The following FBN3 variants were observed in gnomAD, a reference collection of about 807,000 sequenced individuals.
FBN3 encodes fibrillin 3, also known as fibrillin-3.
A neutral mutation model predicts 330.1 loss-of-function variants in FBN3; 234 were observed. The ratio of observed to expected loss-of-function variants is 0.71; its 90% confidence interval spans 0.64 to 0.79. The LOEUF is 0.79. Ranked by LOEUF, FBN3 falls within the 30% of genes least tolerant of loss-of-function variation. FBN3 has a pLI of 0.00. For synonymous variants in FBN3, 1,458 were observed against 1,517.3 expected (o/e 0.96, Z 0.91); for missense variants, 3,606 against 3,886.9 (o/e 0.93, Z 1.92).
In FBN3 at chr19:8,111,779, G is replaced by A. The variant is rs896684398; in HGVS notation, c.3962-9C>T. ...GACGCATTCATCCAGGTCTGCAGGAGATGGAGCCCAGACCCCCCACCCCAT... is the reference window on the plus strand; with the variant it reads ...GACGCATTCATCCAGGTCTGCAGGAAATGGAGCCCAGACCCCCCACCCCAT... On this transcript the variant is annotated splice_polypyrimidine_tract_variant and intron_variant, in intron 31 of 63. Transcript: ENST00000600128. 2 of 1,611,650 alleles carry A rather than the reference G, an allele frequency of 1.2e-6. No homozygotes were observed. The highest frequency in any genetic ancestry group is 1.7e-4 in the Middle Eastern group (1 of 5,952).
At chr19:8,073,824 T>G (rs540883648) in intron 61 of FBN3, among the ~76,000 whole-genome samples, 23 of 152,182 alleles carry the variant, frequency 1.5e-4, no homozygotes, top group African/African-American at 5.5e-4. Context: ...GGACTACAGG[T>G]GTGCACCAAC....
intron 8 of FBN3, among the ~76,000 whole-genome samples, chr19:8,139,601 CTG>C (rs1003270521): frequency 2.6e-5 from 4 of 151,722 alleles, no homozygotes; most frequent in East Asian, 2.0e-4. Flanking sequence ...GCCTACGAGA[CTG>C]TGAATTTCAG....
intron 48 of FBN3, 31 bp downstream of exon 48, chr19:8,091,434 A>G (rs2082092140): frequency 1.3e-6 from 2 of 1,597,280 alleles, no homozygotes; most frequent in South Asian, 1.1e-5. Context: ...CCCACTTCCC[A>G]CCCTCTTCCC....
intron 57 of FBN3, among the ~76,000 whole-genome samples, chr19:8,081,708 T>C (rs188925834): frequency 1.6e-4 from 25 of 152,290 alleles, no homozygotes; most frequent in Non-Finnish European, 2.8e-4. Context: ...AAAGCAGCCA[T>C]TGAGGGTAAG....
rs751291777 is a variant in FBN3, at chr19:8,109,665, A to C, written c.4422T>G (p.Asp1474Glu). 2 of 1,583,768 alleles carry C rather than the reference A, an allele frequency of 1.3e-6. No individual in the cohort carries two copies. The highest frequency in any genetic ancestry group is 1.7e-6 in the Non-Finnish European group (2 of 1,166,052). The change falls in exon 35 of 64, where the codon GAT (aspartate) becomes GAG (glutamate). Residue 1474 changes from aspartate to glutamate, a missense_variant. Physicochemically the swap from Asp to Glu is conservative, Grantham distance 45. Coordinates refer to ENST00000600128, the MANE Select transcript of FBN3 (RefSeq NM_032447.5). The surrounding 1 kb of genome is among the most constrained non-coding windows in gnomAD (Gnocchi z 5.2). ...CCACTCCGCTGGGGTTCAGCTCAAA[A>C]TCCTGGGGGCAGCTGCAGAGGTAGC... The part of the protein sequence containing the change: ...PGSYLCSCPQ[D>E]FELNPSGVGC...
At chr19:8,133,783 T>C (rs922419578) in intron 13 of FBN3, among the ~76,000 whole-genome samples, 5 of 151,900 alleles carry the variant, frequency 3.3e-5, no homozygotes, top group African/African-American at 1.2e-4. Context: ...TAAATTTAGG[T>C]TGTGTGAATC....
intron 13 of FBN3, among the ~76,000 whole-genome samples, chr19:8,134,924 A>C (rs2083243061): frequency 6.6e-6 from 1 of 150,748 alleles, no homozygotes; most frequent in South Asian, 2.1e-4. Flanking sequence ...ATAGAGACTC[A>C]AAATGAATAA....
intron 10 of FBN3, among the ~76,000 whole-genome samples, chr19:8,136,817 G>A (rs953251138): frequency 2.8e-5 from 4 of 143,406 alleles, no homozygotes; most frequent in Admixed American, 6.9e-5. Flanking sequence ...CCAACCTGGG[G>A]TCTAGATACC....
Position 8,081,136 on chromosome 19 carries a change from C to T in FBN3, c.7337-17G>A. ...CGTCCAGGTCTGCAGCACGGATGGT[C>T]CAGCAGGCTCAGGGCAGGGCCCAGT... On this transcript the variant is annotated splice_polypyrimidine_tract_variant and intron_variant, in intron 58 of 63. Transcript: ENST00000600128. 6.2e-7 allele frequency: 1 copy of T among 1,605,274 alleles called. No individual in the cohort carries two copies. Among genetic ancestry groups the T allele is most frequent in the Non-Finnish European group, 8.5e-7 (1 of 1,172,600 alleles).
chr19:8,081,206 CAG>C, intron 58 of FBN3, 87 bp from the exon 59 acceptor site: 1 of 1,493,632 alleles, frequency 6.7e-7, no homozygotes, highest in Non-Finnish European at 9.3e-7. Flanking sequence ...CACCTCCAGG[CAG>C]AGGGGTGACA....
chr19:8,073,093 C>G lies in FBN3; in HGVS notation c.7907G>C (p.Cys2636Ser), dbSNP rs1435727130. ...ANTPGGFLCG[C>S]PQGYFRAGQG... ...CCCAGCCCGGAAGTAGCCTTGAGGA[C>G]AGCCGCACAGGAAGCCACCAGGCGT... The change falls in exon 62 of 64, where the codon TGT becomes TCT. Residue 2636 changes from cysteine (C) to serine (S), a missense_variant. Transcript: ENST00000600128. 5 of 1,612,692 alleles carry G rather than the reference C, an allele frequency of 3.1e-6. No homozygotes were observed. Among genetic ancestry groups the G allele is most frequent in the Non-Finnish European group, 4.2e-6 (5 of 1,179,350 alleles).
chr19:8,115,578 C>T lies in FBN3; in HGVS notation c.3775G>A (p.Gly1259Ser). The T allele has an allele frequency of 6.2e-7, 1 of 1,613,936 alleles. No individual in the cohort carries two copies. The highest frequency in any genetic ancestry group is 2.2e-5 in the East Asian group (1 of 44,882). Residue 1259 changes from glycine (G) to serine (S), a missense_variant, in exon 30 of 64, where the codon GGT (glycine) becomes AGT (serine). Gly to Ser is a moderately conservative substitution (Grantham distance 56). Transcript: ENST00000600128. ...AGCTGACAGTGGCAGACAAAGGAAC[C>T]CTTCGTGTTCTCGCAGTCCCCATGG... is the stretch of plus-strand genomic sequence containing the variant. ...CLHGDCENTK[G>S]SFVCHCQLGY... is the part of the protein sequence containing the mutation.
chr19:8,142,180 C>T (rs368014240), intron 6 of FBN3, 43 bp from the exon 7 acceptor site: 462 of 1,518,332 alleles, frequency 3.0e-4, no homozygotes, highest in Non-Finnish European at 4.0e-4. Context: ...AGGGCTGCCC[C>T]TGTCTGGAGA....
intron 13 of FBN3, among the ~76,000 whole-genome samples, chr19:8,133,793 C>T (rs2083211688): frequency 2.6e-5 from 4 of 152,062 alleles, no homozygotes; most frequent in Admixed American, 2.0e-4. Context: ...TTGTGTGAAT[C>T]TTACTTCAAT....
chr19:8,143,486 T>C (rs990942304), intron 6 of FBN3, among the ~76,000 whole-genome samples: 1 of 127,694 alleles, frequency 7.8e-6, no homozygotes, highest in African/African-American at 3.2e-5. Context: ...TCTCCTTTTT[T>C]CTTTTCTTTT....
rs201473836 is a variant in FBN3, at chr19:8,123,457, C to T, written c.3082+7G>A. 298 of 1,613,186 alleles carry T rather than the reference C, an allele frequency of 1.8e-4. No individual in the cohort carries two copies. The African/African-American group carries it at 3.6e-3, about 19-fold the overall frequency. ...CGCTCTCTCCAAGAGGCAGAGGTGG[C>T]ACCTACCTGTGCAGTTCCGTTCCTG... On this transcript the variant is annotated splice_region_variant and intron_variant, in intron 24 of 63. Coordinates refer to ENST00000600128, the MANE Select transcript of FBN3 (RefSeq NM_032447.5).
intron 42 of FBN3, 50 bp downstream of exon 42, chr19:8,097,239 G>T (rs1346939610): frequency 6.3e-7 from 1 of 1,577,932 alleles, no homozygotes. Context: ...CACAGTGGCG[G>T]ACATGCATCC....
rs919943252 is a variant in FBN3 at position 8,109,128 on chromosome 19, C to T, written c.4618+99G>A. ...CCCCCAGTTCTTGGTTTTCCTGTCG[C>T]CTAAGCCCCCCACCACCGCCATTAG... On this transcript the variant is annotated intron_variant, in intron 36 of 63. Transcript: ENST00000600128. This position sits in a 1 kb window ranked among gnomAD's most constrained non-coding sequence, Gnocchi z 5.2. The T allele has an allele frequency of 3.3e-6, 4 of 1,226,672 alleles. No homozygotes were observed. In the South Asian group the frequency reaches 4.4e-5, roughly 13 times the overall value. The allele number at this position is 1,226,672 out of a possible 1,614,324, so 76.0% of individuals were successfully genotyped here. A position where few individuals can be genotyped will look rare whatever the true frequency, so the allele number is the denominator to read the frequency against.
intron 62 of FBN3, among the ~76,000 whole-genome samples, chr19:8,072,620 G>A (rs1022922071): frequency 2.6e-5 from 4 of 152,014 alleles, no homozygotes; most frequent in African/African-American, 7.2e-5. Context: ...TGGCTGACGC[G>A]TGCTTCCTCA....
Sources: gnomAD v4.1 joint callset for allele counts (sites outside exome capture counted in the v4.1 genomes callset) on GRCh38, gnomAD v4.1.1 for gene constraint, Gnocchi (gnomAD v3.1) non-coding constraint, MANE v1.5 for transcripts, NCBI Gene and HGNC (gene_info 2026-07-23, HGNC 2026-07-21) for gene names.